VPS13C: variants seen among roughly 807,000 people sequenced by gnomAD.
VPS13C encodes vacuolar protein sorting 13 homolog C.
Under a neutral mutation model 456.8 loss-of-function variants are expected in VPS13C, and 358 were observed. The ratio of observed to expected loss-of-function variants is 0.78; its 90% CI spans 0.72 to 0.86. The LOEUF (loss-of-function observed/expected upper bound fraction) is 0.86. VPS13C is among the 40% of genes least tolerant of loss of function. VPS13C has a pLI of 0.00. For missense variants in VPS13C, 4,818 were observed against 4,385.4 expected, an observed-to-expected ratio of 1.10 and a Z score of -2.79; for synonymous variants, 1,578 against 1,486.7, an observed-to-expected ratio of 1.06 and a Z score of -1.41.
At chr15:61,990,959 T>C (rs369760917) in intron 18 of VPS13C, 41 bp downstream of exon 18, 1 of 1,379,736 alleles carries the variant, frequency 7.2e-7, no homozygotes, top group African/African-American at 1.4e-5. Flanking sequence ...TCTAATATAG[T>C]ACAATGAGAC....
chr15:61,891,021 T>G (rs193012514), intron 66 of VPS13C, among the ~76,000 whole-genome samples: 3 of 152,144 alleles, frequency 2.0e-5, no homozygotes, highest in Non-Finnish European at 2.9e-5. Context: ...CACTCCAGCC[T>G]AGGCAACAAG....
chr15:61,927,859 G>T (rs113621071), intron 51 of VPS13C, among the ~76,000 whole-genome samples: 1 of 152,290 alleles, frequency 6.6e-6, no homozygotes, highest in African/African-American at 2.4e-5. Context: ...ATACTATGCA[G>T]CCATAAAAAA....
At chr15:62,013,903 C>T in intron 10 of VPS13C, 30 bp downstream of exon 10, 8 of 1,539,726 alleles carry the variant, frequency 5.2e-6, no homozygotes, top group Admixed American at 1.8e-5. Flanking sequence ...ACCTAGGAAA[C>T]TAACAAAAAT....
chr15:61,906,086 G>A (rs916234215), intron 66 of VPS13C, among the ~76,000 whole-genome samples: 1 of 151,910 alleles, frequency 6.6e-6, no homozygotes, highest in Non-Finnish European at 1.5e-5. Context: ...AGCCCATGTT[G>A]GGGTTTTTTC....
rs761820919 is a variant in VPS13C, at chr15:61,890,415, G to T, written c.9106-15C>A. On this transcript the variant is annotated splice_polypyrimidine_tract_variant and intron_variant, in intron 66 of 84. Coordinates refer to ENST00000644861, the MANE Select transcript of VPS13C (RefSeq NM_020821.3). ...CCACATCCATCCTGGGAAGAAGAAA[G>T]ACTTCATTAAACCCACACATAGTAA... 2 of 1,607,008 alleles carry T rather than the reference G, an allele frequency of 1.2e-6. No individual in the cohort carries two copies. The highest frequency in any genetic ancestry group is 8.5e-7 in the Non-Finnish European group (1 of 1,174,456).
intron 77 of VPS13C, among the ~76,000 whole-genome samples, chr15:61,873,699 G>A (rs1895200536): frequency 6.6e-6 from 1 of 151,888 alleles, no homozygotes; most frequent in African/African-American, 2.4e-5. Flanking sequence ...TGGAGAAAAG[G>A]GAATGCTTAC....
At chr15:61,984,740 T>C (rs562287362) in intron 19 of VPS13C, 117 bp downstream of exon 19, 4 of 1,058,642 alleles carry the variant, frequency 3.8e-6, no homozygotes, top group African/African-American at 3.2e-5. Flanking sequence ...TCTTGACATA[T>C]ACAAGGAAAA....
chr15:61,877,100 A>AT (rs1446149355), intron 74 of VPS13C, 46 bp from the exon 75 acceptor site: 5 of 1,452,640 alleles, frequency 3.4e-6, no homozygotes, highest in East Asian at 2.3e-5. Flanking sequence ...ATATTATATG[A>AT]TAAAAAAAGA....
chr15:62,029,621 TCTTG>T (rs1416286528), intron 5 of VPS13C, among the ~76,000 whole-genome samples: 4 of 152,146 alleles, frequency 2.6e-5, no homozygotes, highest in Non-Finnish European at 5.9e-5. Context: ...CAACACTTTC[TCTTG>T]CTTATTATTA....
intron 8 of VPS13C, 144 bp downstream of exon 8, chr15:62,023,267 A>T: frequency 2.4e-6 from 1 of 413,776 alleles, no homozygotes; most frequent in East Asian, 4.0e-5. Context: ...AACGAGGCTA[A>T]CACAAGAGGA....
chr15:61,961,937 G>A (rs2045222492), intron 34 of VPS13C, 44 bp from the exon 35 acceptor site: 1 of 1,546,906 alleles, frequency 6.5e-7, no homozygotes, highest in African/African-American at 1.4e-5. Flanking sequence ...AGAGAATACA[G>A]GCACATCAAT....
chr15:62,000,677 A>G, intron 15 of VPS13C, 51 bp from the exon 16 acceptor site: 1 of 1,514,386 alleles, frequency 6.6e-7, no homozygotes, highest in Non-Finnish European at 8.9e-7. Context: ...ATTAGATAAA[A>G]GAAATTTTTC....
At chr15:62,013,319 T>C (rs1240181816) in intron 10 of VPS13C, among the ~76,000 whole-genome samples, 200 bp from the exon 11 acceptor site, 1 of 151,972 alleles carries the variant, frequency 6.6e-6, no homozygotes, top group Non-Finnish European at 1.5e-5. Context: ...TTTGCTAAAT[T>C]GCACTTTCAA....
chr15:62,004,823 G>C (rs1375168942), intron 15 of VPS13C, among the ~76,000 whole-genome samples: 1 of 151,952 alleles, frequency 6.6e-6, no homozygotes, highest in Admixed American at 6.6e-5. Context: ...CCATGTAGTT[G>C]AGCGGTTTTG....
chr15:61,970,303 A>C (rs936845599), intron 27 of VPS13C, among the ~76,000 whole-genome samples: 3 of 152,324 alleles, frequency 2.0e-5, no homozygotes, highest in South Asian at 2.1e-4. Flanking sequence ...CGAATGAAAG[A>C]CTATGCACAA....
At chr15:62,000,476 C>A in intron 16 of VPS13C, 88 bp downstream of exon 16, 1 of 1,285,328 alleles carries the variant, frequency 7.8e-7, no homozygotes, top group Non-Finnish European at 1.1e-6. Flanking sequence ...AAAAACCTCA[C>A]CTCGTGAAAC....
At chr15:61,968,026 C>T (rs1354875274) in intron 28 of VPS13C, among the ~76,000 whole-genome samples, 1 of 151,952 alleles carries the variant, frequency 6.6e-6, no homozygotes, top group Non-Finnish European at 1.5e-5. Flanking sequence ...AAGGGCATAA[C>T]CTTCACTAAA....
At chr15:61,882,888 T>C in intron 68 of VPS13C, 152 bp from the exon 69 acceptor site, 4 of 732,498 alleles carry the variant, frequency 5.5e-6, no homozygotes, top group Non-Finnish European at 7.6e-6. Context: ...TTGAGATCTC[T>C]GAAGCAAAAG....
chr15:61,966,017 G>T, intron 30 of VPS13C, 66 bp downstream of exon 30: 2 of 1,231,920 alleles, frequency 1.6e-6, no homozygotes, highest in Non-Finnish European at 1.2e-6. Flanking sequence ...CTCCTCAAAG[G>T]ATACTAGAGG....
Sources: allele counts gnomAD v4.1 joint callset (sites outside exome capture counted in the v4.1 genomes callset), GRCh38; gene constraint gnomAD v4.1.1; transcripts MANE v1.5; gene names NCBI Gene and HGNC (gene_info 2026-07-23, HGNC 2026-07-21).